The following PDCD6IP variants were observed in gnomAD, a reference collection of about 807,000 sequenced individuals.
The protein encoded by PDCD6IP is programmed cell death 6 interacting protein.
In PDCD6IP, 43 loss-of-function variants were observed where a neutral mutation model predicts 103.7. The observed-to-expected ratio is 0.41, with a 90% CI of 0.32 to 0.53. PDCD6IP has a LOEUF of 0.53. PDCD6IP is among the 20% of genes least tolerant of loss of function. The probability of loss-of-function intolerance (pLI) is 0.16; values close to 1 mark genes in which losing one functional copy is unlikely to be tolerated. For synonymous variants in PDCD6IP, 354 were observed against 378.7 expected, an observed-to-expected ratio of 0.93 and a Z score of 0.76; for missense variants, 871 against 1,036.7, an observed-to-expected ratio of 0.84 and a Z score of 2.20.
At chr3:33,865,747 A>G (rs974675397) in intron 17 of PDCD6IP, among the ~76,000 whole-genome samples, 7 of 152,218 alleles carry the variant, frequency 4.6e-5, no homozygotes, top group Non-Finnish European at 8.8e-5. Context: ...TGAGCGTAGC[A>G]TAGCAAAACT....
chr3:33,831,949 G>C (rs931829338), intron 7 of PDCD6IP, among the ~76,000 whole-genome samples: 3 of 152,132 alleles, frequency 2.0e-5, no homozygotes, highest in African/African-American at 7.2e-5. Flanking sequence ...CACTGTGTAA[G>C]CCACAGTTTA....
chr3:33,859,316 A>G (rs1697898645), intron 15 of PDCD6IP, among the ~76,000 whole-genome samples: 1 of 152,206 alleles, frequency 6.6e-6, no homozygotes, highest in Non-Finnish European at 1.5e-5. Flanking sequence ...GATGAGCAGG[A>G]TCTAATAACT....
chr3:33,823,446 C>G (rs1697040603), intron 4 of PDCD6IP, among the ~76,000 whole-genome samples: 1 of 152,214 alleles, frequency 6.6e-6, no homozygotes, highest in Non-Finnish European at 1.5e-5. Context: ...AAACATAATG[C>G]ATACGCTATT....
intron 1 of PDCD6IP, chr3:33,810,948 C>T (rs36023718): frequency 0.011 from 1,837 of 174,246 alleles, 17 homozygotes; most frequent in Non-Finnish European, 0.015. Flanking sequence ...AGTACAGTGG[C>T]GCTGTCTTGG....
chr3:33,800,546 A>T (rs1298888049), intron 1 of PDCD6IP, among the ~76,000 whole-genome samples: 1 of 152,146 alleles, frequency 6.6e-6, no homozygotes, highest in East Asian at 1.9e-4. Context: ...AGGAATTAAG[A>T]CCCCTTGGTG....
rs765705200 is a variant in PDCD6IP, at chr3:33,828,861, C to G, written c.726C>G (p.Phe242Leu). 2.5e-6 allele frequency: 4 copies of G among 1,612,758 alleles called. No homozygotes were observed. In the East Asian group the frequency reaches 8.9e-5, roughly 36 times the overall value. ...AGTATTTTTATTTCCAGGAGGTGTT[C>G]CCTGTCTTGGCTGCAAAGCACTGTA... The part of the protein sequence containing the change: ...QYKDTLPKEV[F>L]PVLAAKHCIM... The change falls in exon 7 of 18, where the codon TTC becomes TTG. Residue 242 changes from phenylalanine (F) to leucine (L), a missense_variant. Phe to Leu is a conservative substitution (Grantham distance 22). This residue lies in a region of PDCD6IP where 242 missense variants were observed against 250.7 expected (regional missense o/e 0.97). Coordinates refer to ENST00000307296, the MANE Select transcript of PDCD6IP (RefSeq NM_013374.6).
intron 1 of PDCD6IP, chr3:33,811,304 C>T (rs1186628871): frequency 1.8e-5 from 3 of 169,036 alleles, no homozygotes; most frequent in African/African-American, 2.4e-5. Flanking sequence ...CAGCCAAAAG[C>T]TTGGTCTCAG....
Position 33,866,451 on chromosome 3 carries a change from C to G in PDCD6IP, c.2533C>G (p.Pro845Ala). 6.2e-7 allele frequency: 1 copy of G among 1,612,228 alleles called. No individual in the cohort carries two copies. The highest frequency in any genetic ancestry group is 8.5e-7 in the Non-Finnish European group (1 of 1,179,262). ...GTATCACCAGAGTCCTGGACAGGCTCCATACCCGGGACCCCAGCAGCCTTC... is the reference window on the plus strand; with the variant it reads ...GTATCACCAGAGTCCTGGACAGGCTGCATACCCGGGACCCCAGCAGCCTTC... ...PVYHQSPGQAPYPGPQQPSYP... is the reference protein window; with the variant it reads ...PVYHQSPGQAAYPGPQQPSYP... The change falls in exon 18 of 18, where the codon CCA (proline) becomes GCA (alanine). Residue 845 changes from proline (P) to alanine (A), a missense_variant. Physicochemically the swap from Pro to Ala is conservative, Grantham distance 27 (BLOSUM62 -1). Around this residue, in one of 5 missense-constraint regions of PDCD6IP, gnomAD observed 202 missense variants for 205.2 expected, o/e 0.98. Coordinates refer to ENST00000307296, the MANE Select transcript of PDCD6IP (RefSeq NM_013374.6).
chr3:33,849,717 A>G (rs1559793499), intron 12 of PDCD6IP, among the ~76,000 whole-genome samples: 1 of 152,190 alleles, frequency 6.6e-6, no homozygotes, highest in Non-Finnish European at 1.5e-5. Flanking sequence ...TGGTTTTCTT[A>G]TTATCTTGGT....
At chr3:33,827,985 T>TA (rs758812423) in intron 6 of PDCD6IP, 23 of 152,184 alleles carry the variant, frequency 1.5e-4, no homozygotes, top group Non-Finnish European at 3.2e-4. Flanking sequence ...TTGATTCTCT[T>TA]ACATTTTTTG....
chr3:33,856,376 G>A (rs763771178), intron 15 of PDCD6IP, among the ~76,000 whole-genome samples: 1 of 152,112 alleles, frequency 6.6e-6, no homozygotes, highest in Non-Finnish European at 1.5e-5. Flanking sequence ...ACCGTGACAT[G>A]GGAAAGAGCA....
intron 7 of PDCD6IP, among the ~76,000 whole-genome samples, chr3:33,833,168 T>A (rs1024688145): frequency 6.6e-6 from 1 of 152,046 alleles, no homozygotes; most frequent in African/African-American, 2.4e-5. Flanking sequence ...TTTAAAAAAT[T>A]AAGAAATTTT....
At chr3:33,826,875 T>G in intron 6 of PDCD6IP, 1 of 1,154,182 alleles carries the variant, frequency 8.7e-7, no homozygotes, top group South Asian at 2.2e-5. Flanking sequence ...ATCAAGGCAT[T>G]GTGTAGTTCT....
In PDCD6IP at chr3:33,798,659, CCT is replaced by C. The variant is rs766391698; in HGVS notation, c.-62_-61del. On this transcript the variant is annotated 5_prime_UTR_variant, in exon 1 of 18. Coordinates refer to ENST00000307296, the MANE Select transcript of PDCD6IP (RefSeq NM_013374.6). ...AGTCCGCCAGTCCGCCAGCCCAGTA[CCT>C]CTCTCTCCTCGGCCCTCGTAAGCTG... The C allele has an allele frequency of 1.5e-6, 2 of 1,371,780 alleles. No individual in the cohort carries two copies. The highest frequency in any genetic ancestry group is 2.0e-4 in the Middle Eastern group (1 of 5,010). 85.0% of individuals were successfully genotyped at this position (1,371,780 alleles called of 1,614,324 possible).
intron 8 of PDCD6IP, among the ~76,000 whole-genome samples, chr3:33,837,391 C>A (rs1372655589): frequency 1.3e-5 from 2 of 152,170 alleles, no homozygotes; most frequent in Non-Finnish European, 2.9e-5. Context: ...AAAGTGTTTA[C>A]CATGTGCCAG....
rs1360125205 is a variant in PDCD6IP, at chr3:33,852,655, A to G, written c.1809A>G (p.Glu603=). 3 of 1,599,170 alleles carry G rather than the reference A, an allele frequency of 1.9e-6. No individual in the cohort carries two copies. The highest frequency in any genetic ancestry group is 1.1e-5 in the South Asian group (1 of 87,100). The change falls in exon 13 of 18, where the codon GAA becomes GAG. Residue 603 remains glutamate (E), a synonymous_variant. Coordinates refer to ENST00000307296, the MANE Select transcript of PDCD6IP (RefSeq NM_013374.6). Reference sequence around the variant, plus strand: ...ATGAAGAAGCTCTTTCTGTTACTGAACTAGATCGAGTCTATGGAGGTCTTA... The same window carrying G: ...ATGAAGAAGCTCTTTCTGTTACTGAGCTAGATCGAGTCTATGGAGGTCTTA... ...VINEEALSVT[E]LDRVYGGLTT...
intron 15 of PDCD6IP, among the ~76,000 whole-genome samples, chr3:33,857,190 A>T (rs1697848070): frequency 6.6e-6 from 1 of 151,472 alleles, no homozygotes; most frequent in African/African-American, 2.4e-5. Flanking sequence ...AAAAAAGGTG[A>T]TTTTTTTTTA....
intron 3 of PDCD6IP, among the ~76,000 whole-genome samples, chr3:33,820,474 G>A (rs1696965564): frequency 6.6e-6 from 1 of 151,950 alleles, no homozygotes; most frequent in Non-Finnish European, 1.5e-5. Context: ...CACTAGTGTT[G>A]GGTGTATTTC....
intron 1 of PDCD6IP, among the ~76,000 whole-genome samples, chr3:33,810,466 G>A (rs1370924272): frequency 6.6e-6 from 1 of 152,136 alleles, no homozygotes; most frequent in African/African-American, 2.4e-5. Context: ...CAGCCCTTGA[G>A]TCAGCCATTT....
Sources: gnomAD v4.1 joint callset for allele counts (sites outside exome capture counted in the v4.1 genomes callset) on GRCh38, gnomAD v4.1.1 for gene constraint, gnomAD v4.1.1 regional missense constraint, MANE v1.5 for transcripts, NCBI Gene and HGNC (gene_info 2026-07-23, HGNC 2026-07-21) for gene names.